ERC2: variants seen among roughly 807,000 people sequenced by gnomAD.
ERC2 encodes the protein ELKS/RAB6-interacting/CAST family member 2.
Under a neutral mutation model 114.8 loss-of-function variants are expected in ERC2, and 42 were observed. The observed-to-expected ratio is 0.37, with a 90% CI of 0.29 to 0.47. The LOEUF (loss-of-function observed/expected upper bound fraction) is 0.47. Ranked by LOEUF, ERC2 falls within the 20% of genes least tolerant of loss-of-function variation. The pLI, the probability that ERC2 is intolerant of heterozygous loss-of-function variation, is 0.99. For missense variants in ERC2, 939 were observed against 1,150.7 expected (o/e 0.82, Z 2.66); for synonymous variants, 454 against 425.5 (o/e 1.07, Z -0.82).
intron 3 of ERC2, among the ~76,000 whole-genome samples, chr3:56,201,272 G>T (rs2048389019): frequency 1.3e-5 from 2 of 152,138 alleles, no homozygotes; most frequent in African/African-American, 4.8e-5. Flanking sequence ...TTGCTCCTCT[G>T]TATCCCTTCT....
Position 55,902,393 on chromosome 3 carries a change from C to A in ERC2, c.2404-13844G>T, listed in dbSNP as rs147343073. On this transcript the variant is annotated intron_variant, in intron 13 of 17. Transcript: ENST00000288221. ...GGCTCCCTCCTCTCGGCGATTACTG[C>A]GACATGGAAAAAGTTCTTAATTGGT... 5.5e-3 allele frequency among the ~76,000 whole-genome samples: 832 copies of A among 152,134 alleles called. 6 individuals carry two copies. Among genetic ancestry groups the A allele is most frequent in the African/African-American group, 0.019 (793 of 41,504 alleles).
intron 17 of ERC2, among the ~76,000 whole-genome samples, chr3:55,547,585 G>A (rs546255641): frequency 7.9e-5 from 12 of 152,204 alleles, no homozygotes; most frequent in African/African-American, 2.2e-4. Context: ...CGCTTCCTCC[G>A]TGGGGTAGCA....
chr3:56,172,171 A>G (rs908718920), intron 4 of ERC2, among the ~76,000 whole-genome samples: 8 of 152,066 alleles, frequency 5.3e-5, no homozygotes, highest in Admixed American at 2.6e-4. Flanking sequence ...TTTAAATTAT[A>G]TAAGTTTAAA....
intron 2 of ERC2, among the ~76,000 whole-genome samples, chr3:56,374,337 T>G (rs369410821): frequency 5.3e-5 from 8 of 152,220 alleles, no homozygotes; most frequent in Admixed American, 1.3e-4. Flanking sequence ...GACCTCGTGA[T>G]CTGCCCACCT....
chr3:55,846,271 G>A (rs1049056972), intron 14 of ERC2, among the ~76,000 whole-genome samples: 1 of 152,146 alleles, frequency 6.6e-6, no homozygotes, highest in South Asian at 2.1e-4. Context: ...TCCTGCCTTA[G>A]TTTGCTAAGA....
chr3:55,847,293 T>C (rs1300117273), intron 14 of ERC2, among the ~76,000 whole-genome samples: 1 of 152,230 alleles, frequency 6.6e-6, no homozygotes, highest in Non-Finnish European at 1.5e-5. Context: ...TTCACCCTCC[T>C]TTTTATTGAG....
chr3:55,882,630 T>C (rs549097806), intron 14 of ERC2, among the ~76,000 whole-genome samples: 1 of 152,214 alleles, frequency 6.6e-6, no homozygotes. Flanking sequence ...AGCATCTACA[T>C]TGTATTAGGT....
chr3:56,174,953 G>A (rs568604133), intron 3 of ERC2, among the ~76,000 whole-genome samples: 2 of 146,190 alleles, frequency 1.4e-5, no homozygotes, highest in African/African-American at 5.1e-5. Flanking sequence ...ACCCCAGCCT[G>A]GTGATGGAAC....
intron 14 of ERC2, among the ~76,000 whole-genome samples, chr3:55,817,392 G>C (rs1472332234): frequency 6.6e-6 from 1 of 152,204 alleles, no homozygotes; most frequent in African/African-American, 2.4e-5. Context: ...CTGCCTCTCA[G>C]CCTTGACTTG....
intron 2 of ERC2, among the ~76,000 whole-genome samples, chr3:56,406,849 A>G (rs886076204): frequency 2.0e-5 from 3 of 152,264 alleles, no homozygotes; most frequent in Non-Finnish European, 4.4e-5. Context: ...GAAGTCAGAA[A>G]GTTGCAGAGG....
chr3:55,711,198 G>A (rs976234459), intron 15 of ERC2, among the ~76,000 whole-genome samples: 34 of 152,106 alleles, frequency 2.2e-4, no homozygotes, highest in African/African-American at 8.2e-4. Flanking sequence ...TGAGATAGGA[G>A]CCTCACTTCT....
intron 2 of ERC2, among the ~76,000 whole-genome samples, chr3:56,359,002 GGTAGATGGCCT>G (rs1273524539): frequency 6.6e-6 from 1 of 152,194 alleles, no homozygotes; most frequent in African/African-American, 2.4e-5. Context: ...CACTGGGTAG[GGTAGATGGCCT>G]AAGGTGACAC....
chr3:55,829,533 T>C (rs1421239294), intron 14 of ERC2, among the ~76,000 whole-genome samples: 2 of 152,202 alleles, frequency 1.3e-5, no homozygotes, highest in African/African-American at 2.4e-5. Context: ...ATATTTTTTC[T>C]TTAATGAGAT....
chr3:55,623,259 A>G (rs1456914415), intron 17 of ERC2, among the ~76,000 whole-genome samples: 3 of 152,224 alleles, frequency 2.0e-5, no homozygotes, highest in African/African-American at 7.2e-5. Flanking sequence ...TGAAAGAATT[A>G]ATACATGAAG....
intron 4 of ERC2, among the ~76,000 whole-genome samples, chr3:56,168,186 G>A (rs905482537): frequency 6.6e-6 from 1 of 152,190 alleles, no homozygotes; most frequent in East Asian, 1.9e-4. Context: ...CTAACCCGTA[G>A]CTTTCTCATC....
At chr3:56,242,991 C>T (rs1383623842) in intron 3 of ERC2, among the ~76,000 whole-genome samples, 1 of 152,186 alleles carries the variant, frequency 6.6e-6, no homozygotes, top group East Asian at 1.9e-4. Context: ...AGAGGAAGCT[C>T]TTTACCCTCC....
chr3:56,027,559 C>T (rs1030305776), intron 7 of ERC2, among the ~76,000 whole-genome samples: 1 of 152,070 alleles, frequency 6.6e-6, no homozygotes, highest in Non-Finnish European at 1.5e-5. Flanking sequence ...TTTGCATTTC[C>T]CTAATGGCTA....
intron 1 of ERC2, among the ~76,000 whole-genome samples, chr3:56,459,398 G>A (rs1473025485): frequency 6.6e-6 from 1 of 152,132 alleles, no homozygotes; most frequent in Non-Finnish European, 1.5e-5. Flanking sequence ...TTAATAGTTT[G>A]CTCCTAATGC....
chr3:56,384,924 G>C (rs995072142), intron 2 of ERC2, among the ~76,000 whole-genome samples: 3 of 152,074 alleles, frequency 2.0e-5, no homozygotes, highest in African/African-American at 7.2e-5. Flanking sequence ...TCCAACAACA[G>C]TTGTTGAAAT....
Sources: allele counts gnomAD v4.1 joint callset (sites outside exome capture counted in the v4.1 genomes callset), GRCh38; gene constraint gnomAD v4.1.1; transcripts MANE v1.5; gene names NCBI Gene and HGNC (gene_info 2026-07-23, HGNC 2026-07-21).